UCMA: variants seen among roughly 807,000 people sequenced by gnomAD.
UCMA encodes the protein upper zone of growth plate and cartilage matrix associated, also known as upper zone of growth plate and cartilage matrix-associated protein.
Under a neutral mutation model 21.8 loss-of-function variants are expected in UCMA, and 21 were observed. The observed-to-expected ratio is 0.97, with a 90% CI of 0.68 to 1.39. UCMA has a LOEUF of 1.39. Among genes scored for constraint, UCMA ranks in the 40% most tolerant of loss-of-function variants. The pLI is 0.00. For missense variants in UCMA, 193 were observed against 178.9 expected (o/e 1.08, Z -0.45); for synonymous variants, 76 against 67.9 (o/e 1.12, Z -0.58).
At chr10:13,232,743 A>G (rs866324684) in intron 3 of UCMA, among the ~76,000 whole-genome samples, 2 of 152,224 alleles carry the variant, frequency 1.3e-5, no homozygotes, top group African/African-American at 4.8e-5. Context: ...AGGCACGAGG[A>G]GGAAAGACTC....
At chr10:13,225,138 C>G (rs1029390953) in intron 4 of UCMA, among the ~76,000 whole-genome samples, 6 of 152,048 alleles carry the variant, frequency 3.9e-5, no homozygotes, top group Admixed American at 2.6e-4. Flanking sequence ...TAGCTCACTG[C>G]AGCCTCCTGG....
chr10:13,229,538 G>A (rs905504421), intron 4 of UCMA, 73 bp downstream of exon 4: 5 of 1,322,672 alleles, frequency 3.8e-6, no homozygotes, highest in Admixed American at 2.2e-5. Flanking sequence ...TTGGGTAGAA[G>A]AAGAGAAAGC....
intron 4 of UCMA, among the ~76,000 whole-genome samples, chr10:13,226,694 G>A (rs1834827454): frequency 6.6e-6 from 1 of 152,100 alleles, no homozygotes; most frequent in East Asian, 1.9e-4. Flanking sequence ...GTGAGGATTA[G>A]GTGGCCACTT....
chr10:13,224,974 G>A (rs1218741070), intron 4 of UCMA, among the ~76,000 whole-genome samples: 1 of 152,192 alleles, frequency 6.6e-6, no homozygotes, highest in Non-Finnish European at 1.5e-5. Context: ...GCTCTTTCGG[G>A]CATTTCTCAA....
intron 4 of UCMA, among the ~76,000 whole-genome samples, chr10:13,227,794 T>C (rs1326557968): frequency 1.4e-5 from 2 of 144,408 alleles, no homozygotes; most frequent in African/African-American, 5.1e-5. Context: ...TCTGGTATGC[T>C]GGTGTGATCC....
In UCMA at chr10:13,226,732, G is replaced by A. The variant is rs117022229; in HGVS notation, c.319+2879C>T. On this transcript the variant is annotated intron_variant, in intron 4 of 4. Coordinates refer to ENST00000378681, the MANE Select transcript of UCMA (RefSeq NM_145314.3). Reference sequence around the variant, plus strand: ...AGTGCCTGGCAGAGCAAGGGCTCAAGGACAACAGCTTCTGGAACTGCATTC... The same window carrying A: ...AGTGCCTGGCAGAGCAAGGGCTCAAAGACAACAGCTTCTGGAACTGCATTC... 9.0e-4 allele frequency among the ~76,000 whole-genome samples: 137 copies of A among 152,280 alleles called. 2 individuals are homozygous for A. In the East Asian group the frequency reaches 0.026, roughly 29 times the overall value.
chr10:13,222,562 T>A (rs1834771625), intron 4 of UCMA, among the ~76,000 whole-genome samples: 1 of 152,206 alleles, frequency 6.6e-6, no homozygotes, highest in South Asian at 2.1e-4. Flanking sequence ...AATGGACTAC[T>A]GGAAGGACAT....
intron 4 of UCMA, among the ~76,000 whole-genome samples, chr10:13,225,831 C>G (rs187228244): frequency 1.3e-5 from 2 of 151,962 alleles, no homozygotes; most frequent in Admixed American, 6.6e-5. Flanking sequence ...AGCAGAACCC[C>G]GTGCAACATT....
intron 4 of UCMA, among the ~76,000 whole-genome samples, chr10:13,225,799 G>T (rs990652141): frequency 1.3e-5 from 2 of 151,804 alleles, no homozygotes; most frequent in South Asian, 4.2e-4. Flanking sequence ...CTTGAGCACC[G>T]CCCCAGGGAT....
At chr10:13,233,938 G>A (rs1834935525) in intron 1 of UCMA, 138 bp from the exon 2 acceptor site, 3 of 1,107,262 alleles carry the variant, frequency 2.7e-6, no homozygotes, top group African/African-American at 3.2e-5. Flanking sequence ...CGTACCAGCT[G>A]CAGAGCCAAT....
intron 3 of UCMA, 65 bp from the exon 4 acceptor site, chr10:13,229,774 G>A: frequency 7.3e-7 from 1 of 1,363,442 alleles, no homozygotes; most frequent in Non-Finnish European, 1.0e-6. Flanking sequence ...CACACACTTA[G>A]GGGAGCACAG....
At chr10:13,225,592 T>C (rs1292483054) in intron 4 of UCMA, among the ~76,000 whole-genome samples, 1 of 151,042 alleles carries the variant, frequency 6.6e-6, no homozygotes, top group Admixed American at 6.6e-5. Flanking sequence ...GGAGAATCAC[T>C]TGAACCCCGG....
In UCMA at chr10:13,226,285, C is replaced by A. The variant is rs149857651; in HGVS notation, c.319+3326G>T. Among the ~76,000 whole-genome samples, 59 of 151,158 alleles carry A rather than the reference C, an allele frequency of 3.9e-4. No individual in the cohort carries two copies. The East Asian group carries it at 0.011, about 27-fold the overall frequency. ...ATCATAGTCACTCTAGCCTTGAACT[C>A]CCCAGGATCAAGTGATCCTCTGTTA... On this transcript the variant is annotated intron_variant, in intron 4 of 4. Transcript: ENST00000378681.
intron 4 of UCMA, among the ~76,000 whole-genome samples, chr10:13,224,151 A>G (rs1007380250): frequency 6.6e-6 from 1 of 152,056 alleles, no homozygotes; most frequent in African/African-American, 2.4e-5. Context: ...TTAGCAAGAC[A>G]TCGTCTCTAC....
chr10:13,234,357 G>A lies in UCMA; in HGVS notation c.-99C>T, dbSNP rs892935061. The A allele has an allele frequency of 2.3e-6, 3 of 1,282,144 alleles. No homozygotes were observed. The African/African-American group carries it at 4.5e-5, about 19-fold the overall frequency. 79.4% of individuals were successfully genotyped at this position (1,282,144 alleles called of 1,614,324 possible). A position where few individuals can be genotyped will look rare whatever the true frequency, so the allele number is the denominator to read the frequency against. On this transcript the variant is annotated 5_prime_UTR_variant, in exon 1 of 5. Transcript: ENST00000378681. ...TCTGAGGCAGGCAGCCCAGGCGAGA[G>A]GAAGGAAGGCGGGGGAGGGAAGAGA...
intron 4 of UCMA, among the ~76,000 whole-genome samples, chr10:13,225,725 G>A (rs1834816452): frequency 6.6e-6 from 1 of 150,606 alleles, no homozygotes. Flanking sequence ...ACAGTTAGCT[G>A]AAACCAGGGT....
chr10:13,224,882 C>T (rs1169655506), intron 4 of UCMA, among the ~76,000 whole-genome samples: 4 of 152,160 alleles, frequency 2.6e-5, no homozygotes, highest in Non-Finnish European at 5.9e-5. Context: ...TGCTGAAAAT[C>T]CCATTAGGTA....
At chr10:13,233,705 C>T (rs376378966) in intron 2 of UCMA, 30 bp downstream of exon 2, 6 of 1,613,974 alleles carry the variant, frequency 3.7e-6, no homozygotes, top group Middle Eastern at 1.6e-4. Flanking sequence ...GCTGCACCTG[C>T]CCTGCCCCGT....
intron 4 of UCMA, among the ~76,000 whole-genome samples, chr10:13,223,325 G>A (rs1024584126): frequency 4.6e-5 from 7 of 151,972 alleles, no homozygotes; most frequent in African/African-American, 9.7e-5. Flanking sequence ...TGTTCGTAGC[G>A]CAACAGTTAC....
Sources: allele counts gnomAD v4.1 joint callset (sites outside exome capture counted in the v4.1 genomes callset), GRCh38; gene constraint gnomAD v4.1.1; transcripts MANE v1.5; gene names NCBI Gene and HGNC (gene_info 2026-07-23, HGNC 2026-07-21).